FAP: variants seen among roughly 807,000 people sequenced by gnomAD.
FAP encodes the protein fibroblast activation protein alpha.
FAP carries 110 observed loss-of-function variants against 126.5 expected under a neutral mutation model. The observed-to-expected ratio is 0.87, with a 90% CI of 0.74 to 1.02. The LOEUF (loss-of-function observed/expected upper bound fraction) is 1.02. Ranked by LOEUF, FAP falls within the 50% of genes least tolerant of loss-of-function variation. FAP has a pLI of 0.00. For missense variants in FAP, 919 were observed against 909.2 expected, an observed-to-expected ratio of 1.01 and a Z score of -0.14; for synonymous variants, 334 against 297.3, an observed-to-expected ratio of 1.12 and a Z score of -1.27.
chr2:162,224,151 A>G (rs756719132), intron 5 of FAP, among the ~76,000 whole-genome samples: 7 of 152,162 alleles, frequency 4.6e-5, no homozygotes, highest in East Asian at 1.9e-4. Flanking sequence ...AGTTTTAAAA[A>G]TAATAATTGA....
At chr2:162,242,758 A>G (rs1366530081) in intron 2 of FAP, 150 bp downstream of exon 2, 1 of 625,744 alleles carries the variant, frequency 1.6e-6, no homozygotes, top group Non-Finnish European at 2.9e-6. Flanking sequence ...TTGCACAACA[A>G]CATATCTGTG....
chr2:162,203,880 T>C (rs529014020), intron 12 of FAP, among the ~76,000 whole-genome samples: 64 of 152,354 alleles, frequency 4.2e-4, no homozygotes, highest in Admixed American at 2.8e-3. Flanking sequence ...ATAACTGAAA[T>C]TCTGCAAATG....
Position 162,206,015 on chromosome 2 carries a change from T to TA in FAP, c.1048-2871dup, listed in dbSNP as rs983261480. ...CTTAGCATCTCATTTTTATTGAAAA[T>TA]AAAAAAAACAGGGCAGAGTGTTATG... On this transcript the variant is annotated intron_variant, in intron 12 of 25. Transcript: ENST00000188790. 4.9e-4 allele frequency among the ~76,000 whole-genome samples: 75 copies of TA among 151,870 alleles called. No homozygotes were observed. The Middle Eastern group carries it at 0.01, about 21-fold the overall frequency.
At chr2:162,176,203 A>T (rs914898017) in intron 21 of FAP, 2 of 152,192 alleles carry the variant, frequency 1.3e-5, no homozygotes, top group Non-Finnish European at 2.9e-5. Context: ...TGCTGGTAAT[A>T]GGTCAGTGGC....
Position 162,198,304 on chromosome 2 carries a change from T to C in FAP, c.1402+453A>G, listed in dbSNP as rs1209029107. On this transcript the variant is annotated intron_variant, in intron 16 of 25. Transcript: ENST00000188790. ...CCAAGCCGTTGTTCATTCCCCTGGA[T>C]GTGAGAGTTTGATATTTCTCTGGGC... is the stretch of plus-strand genomic sequence containing the variant. 3.9e-6 allele frequency: 5 copies of C among 1,289,116 alleles called. No homozygotes were observed. The East Asian group carries it at 2.2e-4, about 57-fold the overall frequency. 79.9% of individuals were successfully genotyped at this position (1,289,116 alleles called of 1,614,324 possible).
At chr2:162,213,911 C>A in intron 11 of FAP, 27 bp downstream of exon 11, 4 of 1,603,160 alleles carry the variant, frequency 2.5e-6, no homozygotes, top group Non-Finnish European at 3.4e-6. Context: ...TTCAGAAATA[C>A]GTATCTGTGA....
intron 10 of FAP, 103 bp downstream of exon 10, chr2:162,215,795 G>C (rs1576178058): frequency 2.6e-6 from 2 of 767,022 alleles, no homozygotes; most frequent in East Asian, 5.1e-5. Flanking sequence ...CTTTAGCTTT[G>C]TGTGCAACTC....
intron 4 of FAP, 49 bp from the exon 5 acceptor site, chr2:162,224,589 C>T (rs1576188607): frequency 8.7e-7 from 1 of 1,153,182 alleles, no homozygotes; most frequent in Non-Finnish European, 1.3e-6. Flanking sequence ...TAACAAAGAA[C>T]CATGTAAATT....
intron 11 of FAP, among the ~76,000 whole-genome samples, chr2:162,213,718 C>T (rs1300511239): frequency 2.0e-5 from 3 of 151,936 alleles, no homozygotes; most frequent in Admixed American, 2.0e-4. Flanking sequence ...TTCTTTTTGG[C>T]TATTCAATTT....
chr2:162,173,622 T>TG, intron 23 of FAP, 101 bp downstream of exon 23: 1 of 804,870 alleles, frequency 1.2e-6, no homozygotes, highest in Non-Finnish European at 2.1e-6. Context: ...GATATTTGCT[T>TG]GGGGGCCCAG....
intron 14 of FAP, 82 bp from the exon 15 acceptor site, chr2:162,200,701 A>C (rs1688463135): frequency 3.2e-6 from 2 of 623,532 alleles, no homozygotes; most frequent in Non-Finnish European, 5.5e-6. Context: ...TATAGTATCA[A>C]TATAGGTAAG....
chr2:162,179,620 A>G (rs1263434142), intron 21 of FAP, among the ~76,000 whole-genome samples: 1 of 152,108 alleles, frequency 6.6e-6, no homozygotes, highest in Non-Finnish European at 1.5e-5. Context: ...CACAAAGAAA[A>G]TAATATGTAA....
At chr2:162,181,420 T>C (rs1467929090) in intron 21 of FAP, among the ~76,000 whole-genome samples, 1 of 152,218 alleles carries the variant, frequency 6.6e-6, no homozygotes, top group African/African-American at 2.4e-5. Context: ...AGACTCATTT[T>C]CTATACTTTC....
intron 11 of FAP, among the ~76,000 whole-genome samples, chr2:162,212,607 C>G (rs1688986554): frequency 6.6e-6 from 1 of 152,124 alleles, no homozygotes; most frequent in Non-Finnish European, 1.5e-5. Flanking sequence ...TCCAAACAGA[C>G]TCATATGACT....
chr2:162,233,845 C>G (rs935872235), intron 2 of FAP, among the ~76,000 whole-genome samples: 1 of 152,102 alleles, frequency 6.6e-6, no homozygotes, highest in Non-Finnish European at 1.5e-5. Flanking sequence ...TAGTTTTTAG[C>G]TCTTACATTT....
intron 2 of FAP, among the ~76,000 whole-genome samples, chr2:162,229,215 G>A (rs1319884459): frequency 1.3e-5 from 2 of 152,038 alleles, no homozygotes; most frequent in African/African-American, 4.8e-5. Flanking sequence ...TTTCATAGAA[G>A]TCTAAATCAA....
At chr2:162,215,649 G>T (rs1035783176) in intron 10 of FAP, among the ~76,000 whole-genome samples, 1 of 152,120 alleles carries the variant, frequency 6.6e-6, no homozygotes, top group Admixed American at 6.6e-5. Flanking sequence ...TCTGCTTGTT[G>T]GTCCCAAGTT....
At chr2:162,209,258 T>C (rs1332408364) in intron 12 of FAP, among the ~76,000 whole-genome samples, 1 of 152,184 alleles carries the variant, frequency 6.6e-6, no homozygotes, top group African/African-American at 2.4e-5. Flanking sequence ...AATTGAATTA[T>C]GTGTTTGTGG....
chr2:162,198,013 C>T (rs541908525), intron 16 of FAP, among the ~76,000 whole-genome samples: 2 of 152,266 alleles, frequency 1.3e-5, no homozygotes, highest in African/African-American at 4.8e-5. Flanking sequence ...TTAACCTAAC[C>T]TGTTTTATTG....
Sources: allele counts gnomAD v4.1 joint callset (sites outside exome capture counted in the v4.1 genomes callset), GRCh38; gene constraint gnomAD v4.1.1; transcripts MANE v1.5; gene names NCBI Gene and HGNC (gene_info 2026-07-23, HGNC 2026-07-21).